Variants in SGCZ observed in about 807,000 individuals in gnomAD.
The protein encoded by SGCZ is sarcoglycan zeta.
In SGCZ, 40 loss-of-function variants were observed where a neutral mutation model predicts 41.3. That is an observed-to-expected ratio of 0.97 (90% CI 0.75 to 1.26). SGCZ has a LOEUF of 1.26. Ranked by LOEUF, SGCZ falls within the 50% of genes most tolerant of loss-of-function variation. The pLI is 0.00. For missense variants in SGCZ, 552 were observed against 369.8 expected, an observed-to-expected ratio of 1.49 and a Z score of -4.04; for synonymous variants, 206 against 137.5, an observed-to-expected ratio of 1.50 and a Z score of -3.49.
intron 1 of SGCZ, among the ~76,000 whole-genome samples, chr8:14,890,476 A>G (rs1432667030): frequency 2.0e-5 from 3 of 152,154 alleles, no homozygotes; most frequent in Non-Finnish European, 4.4e-5. Context: ...CAAAGCCCTG[A>G]CTCTGCAATT....
At chr8:14,150,902 T>G (rs889422053) in intron 5 of SGCZ, among the ~76,000 whole-genome samples, 2 of 152,148 alleles carry the variant, frequency 1.3e-5, no homozygotes, top group South Asian at 4.1e-4. Flanking sequence ...GATCACTGTG[T>G]TAAGTGAACT....
intron 1 of SGCZ, among the ~76,000 whole-genome samples, chr8:14,823,599 G>C (rs1427389926): frequency 6.6e-6 from 1 of 152,184 alleles, no homozygotes; most frequent in Non-Finnish European, 1.5e-5. Context: ...AACTTGTAGA[G>C]AGAAGGGAAT....
chr8:14,719,058 G>A, intron 1 of SGCZ, among the ~76,000 whole-genome samples: 1 of 134,092 alleles, frequency 7.5e-6, no homozygotes, highest in South Asian at 2.3e-4. Flanking sequence ...CTGTGTCCGT[G>A]TGTTCTCATT....
intron 1 of SGCZ, among the ~76,000 whole-genome samples, chr8:14,961,842 C>T (rs1239022087): frequency 6.6e-6 from 1 of 152,156 alleles, no homozygotes; most frequent in Non-Finnish European, 1.5e-5. Context: ...AACACAGAAA[C>T]TGCCTTCAAG....
intron 1 of SGCZ, among the ~76,000 whole-genome samples, chr8:14,691,599 G>A (rs1045430655): frequency 6.6e-6 from 1 of 151,788 alleles, no homozygotes; most frequent in African/African-American, 2.4e-5. Context: ...AAATATTACT[G>A]ATATGAATAA....
intron 2 of SGCZ, among the ~76,000 whole-genome samples, chr8:14,406,283 G>A (rs1015192411): frequency 2.0e-5 from 3 of 152,036 alleles, no homozygotes; most frequent in African/African-American, 7.2e-5. Flanking sequence ...CAGTCAATCT[G>A]AATTGAATCC....
chr8:14,723,492 A>C (rs984278725), intron 1 of SGCZ, among the ~76,000 whole-genome samples: 1 of 152,086 alleles, frequency 6.6e-6, no homozygotes, highest in African/African-American at 2.4e-5. Flanking sequence ...GCAGGCGTGG[A>C]GCTGGGGACC....
intron 1 of SGCZ, among the ~76,000 whole-genome samples, chr8:14,966,079 C>G (rs1255441785): frequency 2.0e-5 from 3 of 151,824 alleles, no homozygotes; most frequent in East Asian, 1.9e-4. Flanking sequence ...GACTTAAAAA[C>G]TGAACATGAA....
At chr8:14,500,957 A>G (rs999090507) in intron 2 of SGCZ, among the ~76,000 whole-genome samples, 1 of 82,910 alleles carries the variant, frequency 1.2e-5, no homozygotes, top group South Asian at 2.7e-4. Context: ...TTGCTGGTGT[A>G]AAAAAAAAAT....
chr8:14,998,630 CAAAAG>C (rs1802302716), intron 1 of SGCZ, among the ~76,000 whole-genome samples: 1 of 152,152 alleles, frequency 6.6e-6, no homozygotes, highest in Non-Finnish European at 1.5e-5. Context: ...GTTTCAATAG[CAAAAG>C]CAAGAAGAGG....
At chr8:14,407,725 G>T (rs1184763118) in intron 2 of SGCZ, among the ~76,000 whole-genome samples, 1 of 152,108 alleles carries the variant, frequency 6.6e-6, no homozygotes, top group Non-Finnish European at 1.5e-5. Context: ...CCCATTTGTT[G>T]TGAAAAGATC....
chr8:14,851,984 A>T (rs892503295), intron 1 of SGCZ, among the ~76,000 whole-genome samples: 2 of 152,124 alleles, frequency 1.3e-5, no homozygotes, highest in African/African-American at 4.8e-5. Flanking sequence ...CTCATCTTTG[A>T]CCTTTGTTTT....
chr8:15,091,773 G>C (rs1320274275), intron 1 of SGCZ, among the ~76,000 whole-genome samples: 1 of 152,090 alleles, frequency 6.6e-6, no homozygotes, highest in East Asian at 1.9e-4. Flanking sequence ...TTTATTTAGA[G>C]ACAGGGTCTC....
intron 1 of SGCZ, among the ~76,000 whole-genome samples, chr8:15,093,229 G>C (rs1045470948): frequency 6.6e-6 from 1 of 152,148 alleles, no homozygotes; most frequent in African/African-American, 2.4e-5. Flanking sequence ...TTTAAGAAGA[G>C]TTGCCTCTCA....
intron 1 of SGCZ, among the ~76,000 whole-genome samples, chr8:14,911,093 G>A (rs1354748879): frequency 1.3e-5 from 2 of 151,978 alleles, no homozygotes; most frequent in Non-Finnish European, 1.5e-5. Context: ...CTGTCTTCAT[G>A]AGAAAAGAAG....
intron 1 of SGCZ, among the ~76,000 whole-genome samples, chr8:14,562,891 C>A (rs563862520): frequency 1.3e-5 from 2 of 152,234 alleles, no homozygotes; most frequent in Non-Finnish European, 2.9e-5. Context: ...GTCACGTGAT[C>A]TTAGAGATGT....
At chr8:14,833,134 C>G (rs944345910) in intron 1 of SGCZ, among the ~76,000 whole-genome samples, 5 of 151,924 alleles carry the variant, frequency 3.3e-5, no homozygotes, top group African/African-American at 1.2e-4. Context: ...ACACTTTATT[C>G]CATTACAGGA....
intron 1 of SGCZ, among the ~76,000 whole-genome samples, chr8:14,978,105 C>T (rs2130875403): frequency 6.6e-6 from 1 of 152,068 alleles, no homozygotes; most frequent in East Asian, 1.9e-4. Context: ...ATGCTACCTC[C>T]ATTCTACTCT....
At chr8:14,166,497 G>A (rs1343551349) in intron 4 of SGCZ, among the ~76,000 whole-genome samples, 1 of 152,062 alleles carries the variant, frequency 6.6e-6, no homozygotes, top group Non-Finnish European at 1.5e-5. Context: ...GAGGGACCCA[G>A]GCACACATTA....
Sources: allele counts gnomAD v4.1 joint callset (sites outside exome capture counted in the v4.1 genomes callset), GRCh38; gene constraint gnomAD v4.1.1; transcripts MANE v1.5; gene names NCBI Gene and HGNC (gene_info 2026-07-23, HGNC 2026-07-21).